Variants in FREM3 observed in about 807,000 individuals in gnomAD.
FREM3 encodes FRAS1 related extracellular matrix 3.
FREM3 carries 105 observed loss-of-function variants against 129.1 expected under a neutral mutation model. That is an observed-to-expected ratio of 0.81 (90% confidence interval 0.69 to 0.96). The LOEUF is 0.96. FREM3 is among the 40% of genes least tolerant of loss of function. The pLI is 0.00. For synonymous variants in FREM3, 1,014 were observed against 1,044.9 expected (o/e 0.97, Z 0.57); for missense variants, 2,593 against 2,666.3 (o/e 0.97, Z 0.61).
At chr4:143,598,945 A>G (rs116108465) in intron 6 of FREM3, among the ~76,000 whole-genome samples, 468 of 152,244 alleles carry the variant, frequency 3.1e-3, no homozygotes, top group Non-Finnish European at 5.5e-3. Flanking sequence ...AAATTTCCTT[A>G]AGAGATCCAT....
intron 4 of FREM3, among the ~76,000 whole-genome samples, chr4:143,623,325 C>G (rs1233527064): frequency 6.6e-6 from 1 of 152,096 alleles, no homozygotes; most frequent in Admixed American, 6.5e-5. Flanking sequence ...CACTAACATT[C>G]TCTTACGTAG....
intron 2 of FREM3, among the ~76,000 whole-genome samples, chr4:143,665,605 G>A (rs1404130605): frequency 6.6e-6 from 1 of 152,110 alleles, no homozygotes; most frequent in Non-Finnish European, 1.5e-5. Flanking sequence ...AGTTGGGCAA[G>A]TGGTTAAGGT....
At chr4:143,630,657 C>A (rs981106548) in intron 2 of FREM3, among the ~76,000 whole-genome samples, 2 of 152,090 alleles carry the variant, frequency 1.3e-5, no homozygotes, top group Non-Finnish European at 2.9e-5. Context: ...CTGTTAGGCA[C>A]CATATCAATT....
At chr4:143,638,624 C>T (rs1044673112) in intron 2 of FREM3, among the ~76,000 whole-genome samples, 8 of 152,134 alleles carry the variant, frequency 5.3e-5, no homozygotes, top group Non-Finnish European at 1.2e-4. Flanking sequence ...TTTTGAATCT[C>T]ACTCTATTTT....
intron 2 of FREM3, among the ~76,000 whole-genome samples, chr4:143,665,714 G>T (rs918722653): frequency 1.3e-5 from 2 of 152,036 alleles, no homozygotes; most frequent in Admixed American, 1.3e-4. Flanking sequence ...ATTGAATACA[G>T]TTCTATGCAA....
At chr4:143,692,011 A>G (rs555807324) in intron 2 of FREM3, among the ~76,000 whole-genome samples, 3 of 152,328 alleles carry the variant, frequency 2.0e-5, no homozygotes, top group East Asian at 1.9e-4. Flanking sequence ...GAAAATGGAT[A>G]GGAGGGATCA....
chr4:143,665,060 C>T (rs1739829982), intron 2 of FREM3, among the ~76,000 whole-genome samples: 2 of 152,160 alleles, frequency 1.3e-5, no homozygotes, highest in African/African-American at 4.8e-5. Context: ...CAATGCCTCA[C>T]CCTGCTTTGG....
intron 2 of FREM3, among the ~76,000 whole-genome samples, chr4:143,669,373 A>G (rs1294723107): frequency 6.6e-6 from 1 of 152,190 alleles, no homozygotes; most frequent in Non-Finnish European, 1.5e-5. Context: ...TGGCTTGGTC[A>G]TGGCTGACTG....
intron 3 of FREM3, among the ~76,000 whole-genome samples, chr4:143,627,153 G>A (rs571839994): frequency 6.6e-6 from 1 of 152,042 alleles, no homozygotes; most frequent in Admixed American, 6.6e-5. Context: ...TGTCCTCAAG[G>A]AATTTATAAC....
chr4:143,659,090 T>TTATTATTATTAC (rs1264328636), intron 2 of FREM3, among the ~76,000 whole-genome samples: 964 of 15,296 alleles, frequency 0.063, 14 homozygotes, highest in African/African-American at 0.15. Flanking sequence ...TTATTTTTAT[T>TTATTATTATTAC]TATTATTATT....
At chr4:143,601,676 A>G (rs1198315183) in intron 6 of FREM3, 1 of 152,146 alleles carries the variant, frequency 6.6e-6, no homozygotes, top group Non-Finnish European at 1.5e-5. Flanking sequence ...CTCAGCAAAC[A>G]TTTATTAGGC....
intron 6 of FREM3, among the ~76,000 whole-genome samples, chr4:143,601,023 T>G (rs1472152459): frequency 6.6e-6 from 1 of 152,006 alleles, no homozygotes; most frequent in Admixed American, 6.6e-5. Flanking sequence ...TTCGTTAACT[T>G]TAAACTAAAA....
intron 2 of FREM3, among the ~76,000 whole-genome samples, chr4:143,631,408 G>A (rs747051222): frequency 7.2e-5 from 11 of 151,968 alleles, no homozygotes; most frequent in African/African-American, 2.7e-4. Flanking sequence ...CGGTAGCACC[G>A]TCTCAGCTCA....
At chr4:143,672,552 A>T (rs1245856776) in intron 2 of FREM3, among the ~76,000 whole-genome samples, 1 of 152,266 alleles carries the variant, frequency 6.6e-6, no homozygotes, top group Admixed American at 6.5e-5. Flanking sequence ...ACTTTGGTGA[A>T]TCTGACAATT....
chr4:143,646,152 C>T (rs1293560211), intron 2 of FREM3, among the ~76,000 whole-genome samples: 1 of 152,152 alleles, frequency 6.6e-6, no homozygotes, highest in Non-Finnish European at 1.5e-5. Flanking sequence ...AAGAAATCCT[C>T]TGTTTATAAA....
Position 143,696,796 on chromosome 4 carries a change from T to G in FREM3, c.3880A>C (p.Lys1294Gln), listed in dbSNP as rs372964474. Residue 1294 changes from lysine to glutamine, a missense_variant, in exon 1 of 8, where the codon AAG becomes CAG. Physicochemically the swap from Lys to Gln is moderately conservative, Grantham distance 53. Transcript: ENST00000329798. ...LSDGKHTTHRKVPIVVTLVDD... is the reference protein window; with the variant it reads ...LSDGKHTTHRQVPIVVTLVDD... ...ACTAGGGTCACTACAATGGGTACCT[T>G]CCTGTGGGTTGTGTGCTTGCCGTCA... is the stretch of plus-strand genomic sequence containing the variant. 3 of 1,537,630 alleles carry G rather than the reference T, an allele frequency of 2.0e-6. No individual in the cohort carries two copies. In the African/African-American group the frequency reaches 4.1e-5, roughly 21 times the overall value.
intron 1 of FREM3, among the ~76,000 whole-genome samples, chr4:143,694,586 T>C (rs1740532314): frequency 6.6e-6 from 1 of 152,228 alleles, no homozygotes; most frequent in African/African-American, 2.4e-5. Flanking sequence ...TTAAAGTTTA[T>C]ATAAGTTTAA....
At chr4:143,627,993 A>G (rs1280506539) in intron 2 of FREM3, among the ~76,000 whole-genome samples, 1 of 152,084 alleles carries the variant, frequency 6.6e-6, no homozygotes, top group Non-Finnish European at 1.5e-5. Flanking sequence ...GGTGCCTCCT[A>G]TTCCCAAAGG....
In FREM3 at chr4:143,700,428, C is replaced by T; in HGVS notation, c.248G>A (p.Arg83Gln). The part of the protein sequence containing the change: ...LGRSLWLDPL[R>Q]DLVIGVQPGD... ...CGGCTGCACTCCAATCACCAGATCC[C>T]GGAGCGGGTCGAGCCAAAGGGAACG... Residue 83 changes from arginine to glutamine, a missense_variant, in exon 1 of 8, where the codon CGG becomes CAG. Around this residue, in one of 2 missense-constraint regions of FREM3, gnomAD observed 2,276 missense variants for 2,267.2 expected, o/e 1.00. Coordinates refer to ENST00000329798, the MANE Select transcript of FREM3 (RefSeq NM_001168235.2). The T allele has an allele frequency of 6.5e-7, 1 of 1,530,070 alleles. No individual in the cohort carries two copies. Among genetic ancestry groups the T allele is most frequent in the Non-Finnish European group, 8.7e-7 (1 of 1,143,158 alleles). 94.8% of individuals were successfully genotyped at this position (1,530,070 alleles called of 1,614,324 possible).
Sources: gnomAD v4.1 joint callset for allele counts (sites outside exome capture counted in the v4.1 genomes callset) on GRCh38, gnomAD v4.1.1 for gene constraint, gnomAD v4.1.1 regional missense constraint, MANE v1.5 for transcripts, NCBI Gene and HGNC (gene_info 2026-07-23, HGNC 2026-07-21) for gene names.